Variants in PARD3B observed in about 807,000 individuals in gnomAD.
The protein encoded by PARD3B is par-3 family cell polarity regulator beta, also known as partitioning defective 3 homolog B.
In PARD3B, 103 loss-of-function variants were observed where a neutral mutation model predicts 130.2. The observed-to-expected ratio is 0.79, with a 90% CI of 0.67 to 0.93. The LOEUF is 0.93. Among genes scored for constraint, PARD3B ranks in the 40% least tolerant of loss-of-function variants. The pLI is 0.00. For synonymous variants in PARD3B, 583 were observed against 553.2 expected (o/e 1.05, Z -0.76); for missense variants, 1,609 against 1,499.2 (o/e 1.07, Z -1.21).
chr2:204,761,825 T>A (rs1164974535), intron 2 of PARD3B, among the ~76,000 whole-genome samples: 1 of 152,140 alleles, frequency 6.6e-6, no homozygotes, highest in Non-Finnish European at 1.5e-5. Context: ...TAAATAGTTA[T>A]AAGCCTTGTT....
chr2:205,221,659 T>C (rs2038244245), intron 15 of PARD3B, among the ~76,000 whole-genome samples: 1 of 152,192 alleles, frequency 6.6e-6, no homozygotes, highest in Non-Finnish European at 1.5e-5. Context: ...GATTCATCTG[T>C]GGTTCTTTCT....
At chr2:204,791,444 T>A (rs1359673398) in intron 2 of PARD3B, among the ~76,000 whole-genome samples, 1 of 152,206 alleles carries the variant, frequency 6.6e-6, no homozygotes, top group Non-Finnish European at 1.5e-5. Context: ...AAGGAAACAT[T>A]GGTGGTTTAC....
intron 3 of PARD3B, among the ~76,000 whole-genome samples, chr2:205,043,819 A>G (rs1391902178): frequency 2.6e-5 from 4 of 151,586 alleles, no homozygotes; most frequent in Non-Finnish European, 5.9e-5. Context: ...ATTTATTATT[A>G]TTATACTTTA....
chr2:205,284,269 G>A lies in PARD3B; in HGVS notation c.2186-16261G>A, dbSNP rs140193030. Among the ~76,000 whole-genome samples the A allele has an allele frequency of 9.0e-3, 1,365 of 152,176 alleles. 6 individuals are homozygous for A. The highest frequency in any genetic ancestry group is 0.014 in the Non-Finnish European group (928 of 68,012). On this transcript the variant is annotated intron_variant, in intron 16 of 22. Transcript: ENST00000406610. ...ATTATCCTTTTCCAGATTTGCACACGGTGACTGATGCTCTGTGACGGGTTG... is the reference window on the plus strand; with the variant it reads ...ATTATCCTTTTCCAGATTTGCACACAGTGACTGATGCTCTGTGACGGGTTG...
intron 18 of PARD3B, among the ~76,000 whole-genome samples, chr2:205,381,171 A>G (rs1262796246): frequency 8.1e-6 from 1 of 124,042 alleles, no homozygotes; most frequent in Admixed American, 9.8e-5. Context: ...TAAAGAATAT[A>G]TAATATATAT....
intron 10 of PARD3B, among the ~76,000 whole-genome samples, chr2:205,145,154 C>T (rs849106): frequency 0.77 from 117,479 of 151,934 alleles, 45,762 homozygotes; most frequent in Admixed American, 0.83. Flanking sequence ...CCCTAAATAA[C>T]GGCACATATA....
intron 22 of PARD3B, among the ~76,000 whole-genome samples, chr2:205,557,491 C>T (rs1029364935): frequency 1.3e-5 from 2 of 152,184 alleles, no homozygotes; most frequent in Admixed American, 6.5e-5. Flanking sequence ...AGCTCACACA[C>T]GCTTCCCAAG....
intron 4 of PARD3B, among the ~76,000 whole-genome samples, chr2:205,084,413 A>G (rs755498441): frequency 3.9e-5 from 6 of 151,982 alleles, no homozygotes; most frequent in Non-Finnish European, 7.4e-5. Flanking sequence ...TCAGCTTACT[A>G]CTTATTTGAA....
intron 2 of PARD3B, among the ~76,000 whole-genome samples, chr2:204,961,897 T>G (rs1446627688): frequency 6.6e-6 from 1 of 152,078 alleles, no homozygotes; most frequent in Non-Finnish European, 1.5e-5. Context: ...AGAGCCTGAC[T>G]AGAGTGGCTT....
intron 21 of PARD3B, among the ~76,000 whole-genome samples, chr2:205,546,676 C>T (rs2052393917): frequency 1.3e-5 from 2 of 152,152 alleles, no homozygotes; most frequent in African/African-American, 4.8e-5. Flanking sequence ...AAATTGGCTT[C>T]CCTTTAGCAA....
At chr2:205,392,043 C>G (rs1453925772) in intron 18 of PARD3B, among the ~76,000 whole-genome samples, 1 of 152,134 alleles carries the variant, frequency 6.6e-6, no homozygotes, top group African/African-American at 2.4e-5. Flanking sequence ...TATTGGTGAT[C>G]TGTGCTTTAC....
chr2:205,226,103 A>T (rs371451763), intron 15 of PARD3B, among the ~76,000 whole-genome samples: 6 of 152,318 alleles, frequency 3.9e-5, no homozygotes, highest in African/African-American at 1.4e-4. Context: ...GTGCAGTGGC[A>T]CAATCTCTGC....
At chr2:205,529,518 C>G (rs1451197811) in intron 21 of PARD3B, among the ~76,000 whole-genome samples, 2 of 151,976 alleles carry the variant, frequency 1.3e-5, no homozygotes, top group Non-Finnish European at 2.9e-5. Context: ...TCTTTGCTTA[C>G]TTTTTTTCCT....
At chr2:204,638,564 A>G (rs747544510) in intron 1 of PARD3B, among the ~76,000 whole-genome samples, 4 of 152,202 alleles carry the variant, frequency 2.6e-5, no homozygotes, top group Non-Finnish European at 5.9e-5. Context: ...GCTTTCAGTC[A>G]TTCGAGACTA....
intron 1 of PARD3B, among the ~76,000 whole-genome samples, chr2:204,634,016 TA>T (rs1559197054): frequency 6.6e-6 from 1 of 152,306 alleles, no homozygotes; most frequent in East Asian, 1.9e-4. Flanking sequence ...AAGTTATTTT[TA>T]AATGTACAGC....
chr2:204,656,810 C>T (rs879554172), intron 1 of PARD3B, among the ~76,000 whole-genome samples: 1 of 152,130 alleles, frequency 6.6e-6, no homozygotes, highest in Non-Finnish European at 1.5e-5. Flanking sequence ...ATGCCTAAAC[C>T]CTCATGTACC....
intron 2 of PARD3B, among the ~76,000 whole-genome samples, chr2:204,741,313 T>C (rs2039999859): frequency 6.6e-6 from 1 of 152,192 alleles, no homozygotes; most frequent in South Asian, 2.1e-4. Flanking sequence ...AAATAACTTT[T>C]TCTTGTGTTA....
rs1180246321 is a variant in PARD3B at position 204,673,197 on chromosome 2, C to CTG, written c.121-12982_121-12981dup. Among the ~76,000 whole-genome samples, 2 of 152,318 alleles carry CTG rather than the reference C, an allele frequency of 1.3e-5. No individual in the cohort carries two copies. Among genetic ancestry groups the CTG allele is most frequent in the Non-Finnish European group, 2.9e-5 (2 of 68,030 alleles). On this transcript the variant is annotated intron_variant, in intron 1 of 22. Coordinates refer to ENST00000406610, the MANE Select transcript of PARD3B (RefSeq NM_001302769.2). The surrounding 1 kb of genome is among the most constrained non-coding windows in gnomAD (Gnocchi z 4.7). Reference sequence around the variant, plus strand: ...CACATGCCCAGCCAATCCTGCTGTGCTGTACATCAGCAGTTTGGAAAAACC... The same window carrying CTG: ...CACATGCCCAGCCAATCCTGCTGTGCTGTGTACATCAGCAGTTTGGAAAAACC...
chr2:204,638,409 A>G (rs1408752204), intron 1 of PARD3B, among the ~76,000 whole-genome samples: 1 of 152,218 alleles, frequency 6.6e-6, no homozygotes, highest in Non-Finnish European at 1.5e-5. Context: ...ATGTGCAGTT[A>G]AAGAACTGGA....
Sources: gnomAD v4.1 joint callset for allele counts (sites outside exome capture counted in the v4.1 genomes callset) on GRCh38, gnomAD v4.1.1 for gene constraint, Gnocchi (gnomAD v3.1) non-coding constraint, MANE v1.5 for transcripts, NCBI Gene and HGNC (gene_info 2026-07-23, HGNC 2026-07-21) for gene names.